The following MTOR variants were observed in gnomAD, a reference collection of about 807,000 sequenced individuals.
MTOR encodes the protein serine/threonine-protein kinase mTOR.
In MTOR, 70 loss-of-function variants were observed where a neutral mutation model predicts 319.8. That is an observed-to-expected ratio of 0.22 (90% CI 0.18 to 0.27). The LOEUF (loss-of-function observed/expected upper bound fraction) is 0.27. Among genes scored for constraint, MTOR ranks in the 10% least tolerant of loss-of-function variants. The pLI is 1.00. For synonymous variants in MTOR, 1,183 were observed against 1,211.4 expected, an observed-to-expected ratio of 0.98 and a Z score of 0.49; for missense variants, 1,890 against 3,274.4, an observed-to-expected ratio of 0.58 and a Z score of 10.32.
Position 11,107,185 on chromosome 1 carries a change from C to T in MTOR, c.*300G>A. On this transcript the variant is annotated 3_prime_UTR_variant, in exon 58 of 58. Coordinates refer to ENST00000361445, the MANE Select transcript of MTOR (RefSeq NM_004958.4). Reference sequence around the variant, plus strand: ...AGTTCTCTTGTGAGTTAAGTCAAAACCCGTATTTCTAAAGTTATGGATCTT... The same window carrying T: ...AGTTCTCTTGTGAGTTAAGTCAAAATCCGTATTTCTAAAGTTATGGATCTT... 2.2e-6 allele frequency: 3 copies of T among 1,385,660 alleles called. No individual in the cohort carries two copies. The highest frequency in any genetic ancestry group is 1.9e-6 in the Non-Finnish European group (2 of 1,055,064). 85.8% of individuals were successfully genotyped at this position (1,385,660 alleles called of 1,614,324 possible). A position where few individuals can be genotyped will look rare whatever the true frequency, so the allele number is the denominator to read the frequency against.
rs771785403 is a variant in MTOR, at chr1:11,118,228, ATTTTTTTTTTTT to A, written c.6934-1154_6934-1143del. Among the ~76,000 whole-genome samples the A allele has an allele frequency of 3.2e-3, 391 of 120,760 alleles. 7 individuals carry two copies. The highest frequency in any genetic ancestry group is 0.013 in the African/African-American group (329 of 25,184). The allele number at this position is 120,760 out of a possible 152,430, so 79.2% of individuals were successfully genotyped here. On this transcript the variant is annotated intron_variant, in intron 49 of 57. Transcript: ENST00000361445. Reference sequence around the variant, plus strand: ...ACGCCTTAAATTCCAAACTTAGTTAATTTTTTTTTTTTTTTTTTTTTTTTTTTGGACAGAGTC... The same window carrying A: ...ACGCCTTAAATTCCAAACTTAGTTAATTTTTTTTTTTTTTTGGACAGAGTC...
intron 26 of MTOR, among the ~76,000 whole-genome samples, chr1:11,200,327 C>CATT (rs763424399): frequency 1.1e-4 from 17 of 152,178 alleles, no homozygotes; most frequent in Non-Finnish European, 2.2e-4. Flanking sequence ...GGACTAGAAG[C>CATT]ATTAGCAAAT....
intron 19 of MTOR, among the ~76,000 whole-genome samples, chr1:11,224,340 T>C (rs955130666): frequency 1.3e-5 from 2 of 152,122 alleles, no homozygotes; most frequent in African/African-American, 2.4e-5. Context: ...AGAAGGATTA[T>C]TGCATAATGA....
intron 28 of MTOR, among the ~76,000 whole-genome samples, chr1:11,191,685 C>G (rs1645536963): frequency 6.6e-6 from 1 of 152,134 alleles, no homozygotes; most frequent in Non-Finnish European, 1.5e-5. Flanking sequence ...AACAAAACTT[C>G]TGGGAGGAAG....
At chr1:11,179,956 C>T (rs111768582) in intron 28 of MTOR, among the ~76,000 whole-genome samples, 9,020 of 152,190 alleles carry the variant, frequency 0.059, 378 homozygotes, top group South Asian at 0.12. Context: ...CTGTTGCCCA[C>T]GCTGGAGTGC....
intron 28 of MTOR, among the ~76,000 whole-genome samples, chr1:11,198,359 T>C (rs937974505): frequency 6.6e-6 from 1 of 152,206 alleles, no homozygotes; most frequent in African/African-American, 2.4e-5. Flanking sequence ...CGCTAACTTT[T>C]TAAAGTGTTA....
chr1:11,129,005 C>A lies in MTOR; in HGVS notation c.5715-54G>T. The A allele has an allele frequency of 6.8e-7, 1 of 1,472,914 alleles. No homozygotes were observed. Among genetic ancestry groups the A allele is most frequent in the South Asian group, 1.2e-5 (1 of 84,036 alleles). 91.2% of individuals were successfully genotyped at this position (1,472,914 alleles called of 1,614,324 possible). On this transcript the variant is annotated intron_variant, in intron 40 of 57. Coordinates refer to ENST00000361445, the MANE Select transcript of MTOR (RefSeq NM_004958.4). The surrounding 1 kb of genome is among the most constrained non-coding windows in gnomAD (Gnocchi z 4.7). The stretch of plus-strand genomic sequence containing the variant: ...AATTTAGTTTCCCAGTTTTTGCCTG[C>A]CTGTTTTTCATCTCTAAGGCTCCTG...
intron 19 of MTOR, chr1:11,226,347 C>T (rs184929773): frequency 1.3e-5 from 2 of 152,040 alleles, no homozygotes; most frequent in East Asian, 3.9e-4. Flanking sequence ...ATTTGTGAAG[C>T]ATTCCGTATT....
At chr1:11,170,037 G>C (rs1372979073) in intron 28 of MTOR, among the ~76,000 whole-genome samples, 1 of 152,182 alleles carries the variant, frequency 6.6e-6, no homozygotes, top group African/African-American at 2.4e-5. Flanking sequence ...AGATTCGTTG[G>C]GGAAGCTATG....
chr1:11,175,583 T>C (rs1489802759), intron 28 of MTOR, among the ~76,000 whole-genome samples: 1 of 152,168 alleles, frequency 6.6e-6, no homozygotes, highest in Non-Finnish European at 1.5e-5. Flanking sequence ...AGAAACCTTG[T>C]TCCCAAGGCA....
At chr1:11,137,427 C>T (rs562526384) in intron 36 of MTOR, among the ~76,000 whole-genome samples, 34 of 152,072 alleles carry the variant, frequency 2.2e-4, no homozygotes, top group Non-Finnish European at 4.1e-4. Flanking sequence ...ATTTGAAGCC[C>T]AATATTTCGT....
At chr1:11,235,432 C>T (rs779616340) in intron 13 of MTOR, among the ~76,000 whole-genome samples, 7 of 152,020 alleles carry the variant, frequency 4.6e-5, no homozygotes, top group Admixed American at 2.0e-4. Flanking sequence ...TGCAGTGAGA[C>T]GAGATCCCAC....
At chr1:11,155,264 T>C (rs1040896899) in intron 30 of MTOR, among the ~76,000 whole-genome samples, 1 of 152,152 alleles carries the variant, frequency 6.6e-6, no homozygotes, top group African/African-American at 2.4e-5. Context: ...TATGGAACAG[T>C]GGCCTAGACT....
chr1:11,224,805 A>G (rs560931108), intron 19 of MTOR, among the ~76,000 whole-genome samples: 14 of 152,246 alleles, frequency 9.2e-5, no homozygotes, highest in Non-Finnish European at 1.9e-4. Flanking sequence ...CTCAAGGGTA[A>G]AAGAAGAAAT....
intron 5 of MTOR, among the ~76,000 whole-genome samples, chr1:11,254,768 C>CT (rs1260367652): frequency 0.019 from 2,742 of 141,962 alleles, 81 homozygotes; most frequent in Admixed American, 0.079. Context: ...AAAGAGATGT[C>CT]TTTTTTTTTT....
intron 28 of MTOR, chr1:11,190,074 T>C: frequency 6.7e-6 from 8 of 1,195,630 alleles, no homozygotes; most frequent in Non-Finnish European, 8.1e-6. Context: ...ACTTTCCCTT[T>C]AGTAAAGGCT....
At chr1:11,192,493 C>T (rs991992334) in intron 28 of MTOR, 3 of 768,612 alleles carry the variant, frequency 3.9e-6, no homozygotes, top group Non-Finnish European at 6.5e-6. Context: ...CAGTGGCTCA[C>T]ACCTGTAATC....
chr1:11,136,798 GT>G (rs903753221), intron 36 of MTOR, among the ~76,000 whole-genome samples: 13 of 138,766 alleles, frequency 9.4e-5, no homozygotes, highest in Middle Eastern at 4.1e-3. Context: ...CCACCCTTTA[GT>G]TTTTTTTTTT....
chr1:11,169,599 T>C (rs766813183), intron 28 of MTOR, among the ~76,000 whole-genome samples: 2 of 152,244 alleles, frequency 1.3e-5, no homozygotes, highest in African/African-American at 2.4e-5. Context: ...CATGCATAAA[T>C]GTATACAAAA....
Sources: allele counts gnomAD v4.1 joint callset (sites outside exome capture counted in the v4.1 genomes callset), GRCh38; gene constraint gnomAD v4.1.1; non-coding constraint Gnocchi (gnomAD v3.1); transcripts MANE v1.5; gene names NCBI Gene and HGNC (gene_info 2026-07-23, HGNC 2026-07-21).